Variants in LRP8 observed in about 807,000 individuals in gnomAD.
The protein encoded by LRP8 is LDL receptor related protein 8, also known as low-density lipoprotein receptor-related protein 8.
In LRP8, 46 loss-of-function variants were observed where a neutral mutation model predicts 111.6. The ratio of observed to expected loss-of-function variants is 0.41; its 90% CI spans 0.33 to 0.53. The LOEUF is 0.53. LRP8 is among the 20% of genes least tolerant of loss of function. The pLI is 0.20. For synonymous variants in LRP8, 464 were observed against 511.2 expected (o/e 0.91, Z 1.24); for missense variants, 959 against 1,297.4 (o/e 0.74, Z 4.01).
chr1:53,255,285 CA>C lies in LRP8; in HGVS notation c.2435-101del, dbSNP rs1646043157. 4 of 963,820 alleles carry C rather than the reference CA, an allele frequency of 4.2e-6. No homozygotes were observed. In the South Asian group the frequency reaches 5.5e-5, roughly 13 times the overall value. 59.7% of individuals were successfully genotyped at this position (963,820 alleles called of 1,614,324 possible). On this transcript the variant is annotated intron_variant, in intron 15 of 18. Coordinates refer to ENST00000306052, the MANE Select transcript of LRP8 (RefSeq NM_004631.5). ...GAACTACCCAACTGCTGCTCATCCTCATTCTAAAATGATGATCCTGGCTGTT... is the reference window on the plus strand; with the variant it reads ...GAACTACCCAACTGCTGCTCATCCTCTTCTAAAATGATGATCCTGGCTGTT...
In LRP8 at chr1:53,262,628, C is replaced by T; in HGVS notation, c.1656-64G>A. The T allele has an allele frequency of 5.6e-6, 7 of 1,250,978 alleles. No individual in the cohort carries two copies. The highest frequency in any genetic ancestry group is 8.2e-6 in the Non-Finnish European group (7 of 853,230). The allele number at this position is 1,250,978 out of a possible 1,614,324, so 77.5% of individuals were successfully genotyped here. The stretch of plus-strand genomic sequence containing the variant: ...GACATGACCGGGGTGGTCTGAGTCA[C>T]AAGAGCTCAATAACCCATTGACTAG... On this transcript the variant is annotated intron_variant, in intron 10 of 18. Coordinates refer to ENST00000306052, the MANE Select transcript of LRP8 (RefSeq NM_004631.5). The surrounding 1 kb of genome is among the most constrained non-coding windows in gnomAD (Gnocchi z 4.8).
intron 2 of LRP8, among the ~76,000 whole-genome samples, chr1:53,302,055 G>A (rs1214454360): frequency 6.6e-6 from 1 of 152,098 alleles, no homozygotes; most frequent in Non-Finnish European, 1.5e-5. Context: ...TGTGAGTAAG[G>A]TCTGCTGGAG....
intron 2 of LRP8, among the ~76,000 whole-genome samples, chr1:53,321,137 ACTGCC>A (rs903145044): frequency 1.3e-5 from 2 of 152,256 alleles, no homozygotes; most frequent in Admixed American, 1.3e-4. Context: ...TGGAATTCCT[ACTGCC>A]CAGCACAAGG....
chr1:53,300,530 C>T (rs922439873), intron 2 of LRP8, among the ~76,000 whole-genome samples: 1 of 152,240 alleles, frequency 6.6e-6, no homozygotes, highest in African/African-American at 2.4e-5. Context: ...AAGCCCCTTC[C>T]AGGCTGTGCC....
rs1364401690 is a variant in LRP8 at position 53,262,193 on chromosome 1, G to C, written c.1789C>G (p.Arg597Gly). 1 of 1,613,364 alleles carries C rather than the reference G, an allele frequency of 6.2e-7. No homozygotes were observed. Among genetic ancestry groups the C allele is most frequent in the African/African-American group, 1.3e-5 (1 of 75,016 alleles). The change falls in exon 12 of 19, where the codon CGC becomes GGC. Residue 597 changes from arginine to glycine, a missense_variant. By Grantham distance (125) the Arg-to-Gly change is moderately radical (BLOSUM62 -2). Transcript: ENST00000306052. The surrounding 1 kb of genome is among the most constrained non-coding windows in gnomAD (Gnocchi z 4.8). ...AGCTTGGAGTCTACCCAGTACAAGC[G>C]CTGGCTCAGCAGATCTTGGGAAGGA... ...NGITLDLLSQ[R>G]LYWVDSKLHQ...
chr1:53,322,322 A>C (rs1177440355), intron 2 of LRP8, among the ~76,000 whole-genome samples: 1 of 152,162 alleles, frequency 6.6e-6, no homozygotes, highest in Non-Finnish European at 1.5e-5. Context: ...CAAATCCTGT[A>C]TCTCAGCCTG....
intron 16 of LRP8, among the ~76,000 whole-genome samples, chr1:53,254,677 T>C (rs1272540525): frequency 6.6e-6 from 1 of 152,270 alleles, no homozygotes; most frequent in South Asian, 2.1e-4. Flanking sequence ...TAAATACTTG[T>C]TGAAAACCAA....
intron 3 of LRP8, among the ~76,000 whole-genome samples, chr1:53,284,155 T>C (rs113545190): frequency 1.0e-4 from 6 of 58,664 alleles, no homozygotes; most frequent in Admixed American, 3.8e-4. Context: ...ACCTACTACA[T>C]ACCCGGGCCG....
chr1:53,256,888 G>A (rs907910195), intron 15 of LRP8, among the ~76,000 whole-genome samples: 2 of 152,164 alleles, frequency 1.3e-5, no homozygotes, highest in Non-Finnish European at 2.9e-5. Context: ...ACACACCCTC[G>A]CAGAGTCAGC....
chr1:53,295,326 T>G (rs1263742664), intron 2 of LRP8, among the ~76,000 whole-genome samples: 1 of 152,106 alleles, frequency 6.6e-6, no homozygotes, highest in Non-Finnish European at 1.5e-5. Context: ...CATTAGGGGC[T>G]GGGGACAAGG....
rs1302112626 is a variant in LRP8, at chr1:53,279,056, GC to G, written c.496+1530del. On this transcript the variant is annotated intron_variant, in intron 4 of 18. Transcript: ENST00000306052. The surrounding 1 kb of genome is among the most constrained non-coding windows in gnomAD (Gnocchi z 4.4). ...TTACAGGCATGAGCCACCGCGCCCC[GC>G]CTTAATTTTTAATTTTACTTGAAGA... Among the ~76,000 whole-genome samples the G allele has an allele frequency of 6.6e-6, 1 of 151,782 alleles. No homozygotes were observed. The highest frequency in any genetic ancestry group is 2.4e-5 in the African/African-American group (1 of 41,288).
At position 53,250,682 on chromosome 1, in the gene LRP8, ATACT is replaced by A; in HGVS notation, c.2676+4_2676+7del. ...AAGGTAGGAATTCTCCCAGTGAGAA[ATACT>A]TACTGCAGGATAGACATGGCCAATC... On this transcript the variant is annotated splice_donor_5th_base_variant and intron_variant, in intron 17 of 18. Coordinates refer to ENST00000306052, the MANE Select transcript of LRP8 (RefSeq NM_004631.5). The surrounding 1 kb of genome is among the most constrained non-coding windows in gnomAD (Gnocchi z 4.6). The A allele has an allele frequency of 1.2e-6, 2 of 1,611,990 alleles. No homozygotes were observed. The highest frequency in any genetic ancestry group is 1.7e-6 in the Non-Finnish European group (2 of 1,178,428).
intron 2 of LRP8, among the ~76,000 whole-genome samples, chr1:53,295,303 C>G (rs555602415): frequency 6.6e-6 from 1 of 152,090 alleles, no homozygotes; most frequent in Non-Finnish European, 1.5e-5. Flanking sequence ...CATGGAGGAG[C>G]GAGCAGAGTG....
intron 3 of LRP8, chr1:53,289,321 T>C: frequency 2.5e-6 from 1 of 400,254 alleles, no homozygotes; most frequent in African/African-American, 2.0e-5. Flanking sequence ...CAGAAGGGCT[T>C]GACAGGGCTG....
chr1:53,324,207 AGC>A (rs1654858242), intron 2 of LRP8, among the ~76,000 whole-genome samples: 1 of 152,150 alleles, frequency 6.6e-6, no homozygotes. Flanking sequence ...TTTAATAAAG[AGC>A]TCCTCAGGGA....
Position 53,327,999 on chromosome 1 carries a change from C to T in LRP8, c.-87G>A. On this transcript the variant is annotated 5_prime_UTR_variant, in exon 1 of 19. Coordinates refer to ENST00000306052, the MANE Select transcript of LRP8 (RefSeq NM_004631.5). ...AGCCCTCCGAGTCCTTGCCGCGGCG[C>T]CGGGGTTGCCGCTGCCCCCGCCGCC... The T allele has an allele frequency of 1.2e-6, 1 of 851,346 alleles. No individual in the cohort carries two copies. The allele number at this position is 851,346 out of a possible 1,614,324, so 52.7% of individuals were successfully genotyped here.
chr1:53,287,187 G>C (rs940960855), intron 3 of LRP8, among the ~76,000 whole-genome samples: 7 of 152,214 alleles, frequency 4.6e-5, no homozygotes, highest in African/African-American at 1.7e-4. Context: ...TGGATAGCAG[G>C]TTGGCTGCTA....
chr1:53,305,345 CAG>C (rs1441701230), intron 2 of LRP8: 1 of 152,238 alleles, frequency 6.6e-6, no homozygotes, highest in Admixed American at 6.5e-5. Context: ...GGATGGCACA[CAG>C]AAAATATTCA....
chr1:53,260,732 G>A, intron 12 of LRP8, 127 bp from the exon 13 acceptor site: 1 of 894,336 alleles, frequency 1.1e-6, no homozygotes, highest in Non-Finnish European at 1.7e-6. Flanking sequence ...TCCTGTCTAT[G>A]GATTCACGGT....
Sources: gnomAD v4.1 joint callset for allele counts (sites outside exome capture counted in the v4.1 genomes callset) on GRCh38, gnomAD v4.1.1 for gene constraint, Gnocchi (gnomAD v3.1) non-coding constraint, MANE v1.5 for transcripts, NCBI Gene and HGNC (gene_info 2026-07-23, HGNC 2026-07-21) for gene names.